Variants in TLR2 observed in about 807,000 individuals in gnomAD.
The protein encoded by TLR2 is toll like receptor 2.
TLR2 carries 7 observed loss-of-function variants against 9.1 expected under a neutral mutation model. That is an observed-to-expected ratio of 0.77 (90% confidence interval 0.44 to 1.44). The LOEUF (loss-of-function observed/expected upper bound fraction) is 1.44, where lower values mean the gene tolerates loss of function less well. Among genes scored for constraint, TLR2 ranks in the 40% most tolerant of loss-of-function variants. The probability of loss-of-function intolerance (pLI) is 0.01; values close to 1 mark genes in which losing one functional copy is unlikely to be tolerated. For synonymous variants in TLR2, 317 were observed against 344.6 expected (o/e 0.92, Z 0.89); for missense variants, 812 against 904.6 (o/e 0.90, Z 1.31).
In TLR2 at chr4:153,705,608, T is replaced by C. The variant is rs1168916082; in HGVS notation, c.*346T>C. ...GATCAAGTCCCTTATAAGAGTGGCA[T>C]AGTATTTGCATATAACCTGTGTACA... On this transcript the variant is annotated 3_prime_UTR_variant, in exon 3 of 3. Transcript: ENST00000642700. 1 of 195,464 alleles carries C rather than the reference T, an allele frequency of 5.1e-6. No individual in the cohort carries two copies. Among genetic ancestry groups the C allele is most frequent in the East Asian group, 1.4e-4 (1 of 6,912 alleles). The allele number at this position is 195,464 out of a possible 1,614,324, so 12.1% of individuals were successfully genotyped here.
chr4:153,703,127 A>T lies in TLR2; in HGVS notation c.220A>T (p.Arg74Trp). 1 of 1,614,164 alleles carries T rather than the reference A, an allele frequency of 6.2e-7. No individual in the cohort carries two copies. Among genetic ancestry groups the T allele is most frequent in the Non-Finnish European group, 8.5e-7 (1 of 1,180,038 alleles). ...ITYISNSDLQ[R>W]CVNLQALVLT... ...CTACATTAGCAACAGTGACCTACAG[A>T]GGTGTGTGAACCTCCAGGCTCTGGT... Residue 74 changes from arginine to tryptophan, a missense_variant, in exon 3 of 3, where the codon AGG becomes TGG. Arg to Trp is a moderately radical substitution (Grantham distance 101). Coordinates refer to ENST00000642700, the MANE Select transcript of TLR2 (RefSeq NM_001318789.2).
At chr4:153,702,273 A>C (rs974237500) in intron 2 of TLR2, 2 of 152,268 alleles carry the variant, frequency 1.3e-5, no homozygotes, top group African/African-American at 2.4e-5. Context: ...CAACTCAGCA[A>C]ACCACCTTGG....
chr4:153,699,433 A>G (rs13123230), intron 2 of TLR2, among the ~76,000 whole-genome samples: 49,546 of 152,112 alleles, frequency 0.33, 9,154 homozygotes, highest in South Asian at 0.55. Context: ...CTTTTGTTCA[A>G]ATGCTCCTTC....
In TLR2 at chr4:153,704,003, G is replaced by A; in HGVS notation, c.1096G>A (p.Asp366Asn). Residue 366 changes from aspartate to asparagine, a missense_variant, in exon 3 of 3, where the codon GAT (aspartate) becomes AAT (asparagine). By Grantham distance (23) the Asp-to-Asn change is conservative. Coordinates refer to ENST00000642700, the MANE Select transcript of TLR2 (RefSeq NM_001318789.2). The stretch of plus-strand genomic sequence containing the variant: ...ACATTTAAAATCATTAGAATACTTG[G>A]ATCTCAGTGAAAATTTGATGGTTGA... Reference protein sequence around the residue: ...SQHLKSLEYLDLSENLMVEEY... With the variant: ...SQHLKSLEYLNLSENLMVEEY... 6.2e-7 allele frequency: 1 copy of A among 1,613,912 alleles called. No individual in the cohort carries two copies. Among genetic ancestry groups the A allele is most frequent in the Non-Finnish European group, 8.5e-7 (1 of 1,179,986 alleles).
chr4:153,706,971 A>G (rs917782976), downstream of TLR2, among the ~76,000 whole-genome samples: 1 of 152,120 alleles, frequency 6.6e-6, no homozygotes, highest in African/African-American at 2.4e-5. Context: ...GCCTAAGAGA[A>G]TGGGCACTAT....
chr4:153,696,481 T>C (rs886238601), intron 2 of TLR2, among the ~76,000 whole-genome samples: 1 of 152,208 alleles, frequency 6.6e-6, no homozygotes, highest in Non-Finnish European at 1.5e-5. Context: ...GATTACTATC[T>C]TGATTTCTTT....
In TLR2 at chr4:153,705,181, C is replaced by G; in HGVS notation, c.2274C>G (p.Thr758=). The change falls in exon 3 of 3, where the codon ACC becomes ACG. Residue 758 remains threonine (T), a synonymous_variant. Coordinates refer to ENST00000642700, the MANE Select transcript of TLR2 (RefSeq NM_001318789.2). ...RFCKLRKIMN[T]KTYLEWPMDE... ...GCAAGCTGCGGAAGATAATGAACAC[C>G]AAGACCTACCTGGAGTGGCCCATGG... 1 of 1,613,988 alleles carries G rather than the reference C, an allele frequency of 6.2e-7. No homozygotes were observed. The highest frequency in any genetic ancestry group is 8.5e-7 in the Non-Finnish European group (1 of 1,179,920).
intron 1 of TLR2, among the ~76,000 whole-genome samples, chr4:153,685,132 GTTCCTTCAT>G (rs1735611129): frequency 6.6e-6 from 1 of 152,232 alleles, no homozygotes; most frequent in Non-Finnish European, 1.5e-5. Context: ...CCACCTCTGC[GTTCCTTCAT>G]TCTTAGGATG....
At chr4:153,689,074 C>G (rs1735921285) in intron 2 of TLR2, among the ~76,000 whole-genome samples, 1 of 152,212 alleles carries the variant, frequency 6.6e-6, no homozygotes, top group African/African-American at 2.4e-5. Flanking sequence ...GCTAATCTGT[C>G]TGCAGCTCCT....
chr4:153,689,497 C>G (rs1327650189), intron 2 of TLR2, among the ~76,000 whole-genome samples: 3 of 152,244 alleles, frequency 2.0e-5, no homozygotes, highest in Admixed American at 2.0e-4. Context: ...TGCGCAGCAC[C>G]TCTGCCTATT....
At chr4:153,694,428 G>A (rs1167523767) in intron 2 of TLR2, among the ~76,000 whole-genome samples, 2 of 152,218 alleles carry the variant, frequency 1.3e-5, no homozygotes, top group Non-Finnish European at 1.5e-5. Context: ...GTTCCCAACA[G>A]TGGACAAAGA....
At chr4:153,694,638 G>A (rs1025931070) in intron 2 of TLR2, among the ~76,000 whole-genome samples, 1 of 152,124 alleles carries the variant, frequency 6.6e-6, no homozygotes, top group Non-Finnish European at 1.5e-5. Flanking sequence ...CACGGTAAAA[G>A]GGGTATCCAT....
rs376583514 is a variant in TLR2, at chr4:153,704,461, A to T, written c.1554A>T (p.Gln518His). The T allele has an allele frequency of 5.5e-5, 89 of 1,614,056 alleles. No individual in the cohort carries two copies. The highest frequency in any genetic ancestry group is 7.1e-5 in the Non-Finnish European group (84 of 1,180,044). Residue 518 changes from glutamine to histidine, a missense_variant, in exon 3 of 3, where the codon CAA (glutamine) becomes CAT (histidine). Coordinates refer to ENST00000642700, the MANE Select transcript of TLR2 (RefSeq NM_001318789.2). Reference sequence around the variant, plus strand: ...CAATAACTACGTTTTCTAAGGAGCAACTTGACTCATTTCACACACTGAAGA... The same window carrying T: ...CAATAACTACGTTTTCTAAGGAGCATCTTGACTCATTTCACACACTGAAGA... ...RNAITTFSKE[Q>H]LDSFHTLKTL...
intron 2 of TLR2, among the ~76,000 whole-genome samples, chr4:153,692,757 T>C (rs1254108611): frequency 1.3e-5 from 2 of 152,206 alleles, no homozygotes; most frequent in Non-Finnish European, 2.9e-5. Flanking sequence ...TAATTTTTTG[T>C]ATAGTCCCAG....
In TLR2 at chr4:153,705,756, T is replaced by A. The variant is rs1351165728; in HGVS notation, c.*494T>A. 1.2e-5 allele frequency: 2 copies of A among 167,094 alleles called. No individual in the cohort carries two copies. Among genetic ancestry groups the A allele is most frequent in the Admixed American group, 6.5e-5 (1 of 15,284 alleles). 10.4% of individuals were successfully genotyped at this position (167,094 alleles called of 1,614,324 possible). On this transcript the variant is annotated 3_prime_UTR_variant, in exon 3 of 3. Transcript: ENST00000642700. ...TTATTGTTATTTTTTATTTTCAAAA[T>A]TTTTAAAACATACTTTTGATCCACA...
Position 153,704,922 on chromosome 4 carries a change from T to G in TLR2, c.2015T>G (p.Leu672Trp). ...ELENFNPPFKLCLHKRDFIPG... is the reference protein window; with the variant it reads ...ELENFNPPFKWCLHKRDFIPG... ...GAGAACTTCAATCCCCCCTTCAAGT[T>G]GTGTCTTCATAAGCGGGACTTCATT... Residue 672 changes from leucine (L) to tryptophan (W), a missense_variant, in exon 3 of 3, where the codon TTG becomes TGG. By Grantham distance (61) the Leu-to-Trp change is moderately conservative. Coordinates refer to ENST00000642700, the MANE Select transcript of TLR2 (RefSeq NM_001318789.2). 6.2e-7 allele frequency: 1 copy of G among 1,613,212 alleles called. No homozygotes were observed. The highest frequency in any genetic ancestry group is 8.5e-7 in the Non-Finnish European group (1 of 1,180,008).
chr4:153,702,931 G>C lies in TLR2; in HGVS notation c.24G>C (p.Val8=), dbSNP rs749089719. The C allele has an allele frequency of 3.1e-6, 5 of 1,612,842 alleles. No individual in the cohort carries two copies. The highest frequency in any genetic ancestry group is 4.2e-6 in the Non-Finnish European group (5 of 1,179,446). The change falls in exon 3 of 3, where the codon GTG becomes GTC. Residue 8 remains valine (V), a synonymous_variant. Transcript: ENST00000642700. MPHTLWM[V]WVLGVIISLS... is the part of the protein sequence containing the mutation. ...CAATGCCACATACTTTGTGGATGGT[G>C]TGGGTCTTGGGGGTCATCATCAGCC... is the stretch of plus-strand genomic sequence containing the variant.
intron 2 of TLR2, among the ~76,000 whole-genome samples, chr4:153,689,033 T>A (rs1371641413): frequency 6.6e-6 from 1 of 152,204 alleles, no homozygotes; most frequent in Non-Finnish European, 1.5e-5. Flanking sequence ...AGCTTCCAAG[T>A]GTCTTTATCT....
In TLR2 at chr4:153,704,585, G is replaced by T; in HGVS notation, c.1678G>T (p.Ala560Ser). The T allele has an allele frequency of 1.2e-6, 2 of 1,613,740 alleles. No individual in the cohort carries two copies. The highest frequency in any genetic ancestry group is 1.7e-6 in the Non-Finnish European group (2 of 1,180,030). Residue 560 changes from alanine to serine, a missense_variant, in exon 3 of 3, where the codon GCA becomes TCA. Physicochemically the swap from Ala to Ser is moderately conservative, Grantham distance 99 (BLOSUM62 1). Transcript: ENST00000642700. Reference protein sequence around the residue: ...ALAKVLIDWPANYLCDSPSHV... With the variant: ...ALAKVLIDWPSNYLCDSPSHV... ...GGCCAAAGTCTTGATTGATTGGCCAGCAAATTACCTGTGTGACTCTCCATC... is the reference window on the plus strand; with the variant it reads ...GGCCAAAGTCTTGATTGATTGGCCATCAAATTACCTGTGTGACTCTCCATC...
Sources: gnomAD v4.1 joint callset for allele counts (sites outside exome capture counted in the v4.1 genomes callset) on GRCh38, gnomAD v4.1.1 for gene constraint, MANE v1.5 for transcripts, NCBI Gene and HGNC (gene_info 2026-07-23, HGNC 2026-07-21) for gene names.